The following ARFGEF1 variants were observed in gnomAD, a reference collection of about 807,000 sequenced individuals.
ARFGEF1 encodes ARF guanine nucleotide exchange factor 1, also known as brefeldin A-inhibited guanine nucleotide-exchange protein 1.
In ARFGEF1, 42 loss-of-function variants were observed where a neutral mutation model predicts 231.0. The observed-to-expected ratio is 0.18, with a 90% CI of 0.14 to 0.24. ARFGEF1 has a LOEUF of 0.24. Among genes scored for constraint, ARFGEF1 ranks in the 10% least tolerant of loss-of-function variants. The probability of loss-of-function intolerance (pLI) is 1.00; values close to 1 mark genes in which losing one functional copy is unlikely to be tolerated. For synonymous variants in ARFGEF1, 710 were observed against 732.3 expected (o/e 0.97, Z 0.49); for missense variants, 1,345 against 2,192.0 (o/e 0.61, Z 7.72).
intron 5 of ARFGEF1, chr8:67,190,890 TC>T: frequency 1.5e-6 from 1 of 670,982 alleles, no homozygotes. Flanking sequence ...GAATCTAGGC[TC>T]TGCCTTGACT....
chr8:67,229,045 G>A (rs964507050), intron 23 of ARFGEF1, among the ~76,000 whole-genome samples: 3 of 152,050 alleles, frequency 2.0e-5, no homozygotes, highest in African/African-American at 4.8e-5. Flanking sequence ...GCAGGAGCAG[G>A]TCACAGTAGT....
intron 30 of ARFGEF1, 69 bp from the exon 31 acceptor site, chr8:67,218,207 A>AAATATATATGTATATATAT (rs1491555936): frequency 1.1e-5 from 1 of 90,852 alleles, no homozygotes; most frequent in African/African-American, 6.9e-5. Context: ...AAAAAAAAAA[A>AAATATATATGTATATATAT]ATATATATAT....
At chr8:67,283,846 T>G (rs181130498) in intron 7 of ARFGEF1, among the ~76,000 whole-genome samples, 1 of 152,102 alleles carries the variant, frequency 6.6e-6, no homozygotes, top group Admixed American at 6.6e-5. Flanking sequence ...CTACCAGCTG[T>G]GGAGAGAAAG....
chr8:67,227,733 G>A, intron 25 of ARFGEF1, 135 bp from the exon 26 acceptor site: 1 of 993,552 alleles, frequency 1.0e-6, no homozygotes, highest in Non-Finnish European at 1.4e-6. Context: ...AAGGCATTAA[G>A]TATGCTAAAA....
chr8:67,242,948 G>C (rs186135162), intron 19 of ARFGEF1, among the ~76,000 whole-genome samples: 20 of 152,324 alleles, frequency 1.3e-4, no homozygotes, highest in African/African-American at 4.1e-4. Flanking sequence ...AAAGGGGAGG[G>C]AAGAGTGGGA....
chr8:67,311,818 T>C (rs1055329854), intron 1 of ARFGEF1, among the ~76,000 whole-genome samples: 2 of 152,102 alleles, frequency 1.3e-5, no homozygotes, highest in African/African-American at 4.8e-5. Flanking sequence ...GGGGAAAAGA[T>C]TGAGAAATCG....
intron 19 of ARFGEF1, among the ~76,000 whole-genome samples, chr8:67,242,975 G>GT (rs1204065288): frequency 6.6e-6 from 1 of 152,192 alleles, no homozygotes; most frequent in Non-Finnish European, 1.5e-5. Context: ...GTGTCTTGTA[G>GT]TTTGAGTGCC....
At chr8:67,311,405 G>A (rs1312889996) in intron 1 of ARFGEF1, among the ~76,000 whole-genome samples, 6 of 137,992 alleles carry the variant, frequency 4.3e-5, no homozygotes, top group Non-Finnish European at 6.3e-5. Flanking sequence ...CGCCCCGTCC[G>A]GGAGGGAGGT....
intron 3 of ARFGEF1, 107 bp from the exon 4 acceptor site, chr8:67,299,462 T>G: frequency 1.9e-6 from 2 of 1,042,348 alleles, no homozygotes; most frequent in Non-Finnish European, 2.7e-6. Flanking sequence ...TACATAAAAT[T>G]TTTACACAAA....
Position 67,228,221 on chromosome 8 carries a change from T to G in ARFGEF1, c.3421+3A>C, listed in dbSNP as rs757924150. 1 of 1,610,942 alleles carries G rather than the reference T, an allele frequency of 6.2e-7. No homozygotes were observed. The highest frequency in any genetic ancestry group is 8.5e-7 in the Non-Finnish European group (1 of 1,178,236). On this transcript the variant is annotated splice_donor_region_variant and intron_variant, in intron 24 of 38. Transcript: ENST00000262215. ...CCGAAGTAGAATAAATGCCCATACT[T>G]ACCAATGGCATTTCCATCTAGCCTT...
At chr8:67,227,832 G>A in intron 25 of ARFGEF1, 131 bp downstream of exon 25, 1 of 868,800 alleles carries the variant, frequency 1.2e-6, no homozygotes, top group Non-Finnish European at 1.6e-6. Context: ...CCATTCACAG[G>A]GTTTTCTAAT....
intron 14 of ARFGEF1, among the ~76,000 whole-genome samples, chr8:67,261,486 G>C (rs990711800): frequency 4.6e-5 from 7 of 152,196 alleles, no homozygotes; most frequent in Admixed American, 4.6e-4. Flanking sequence ...TTACAACATA[G>C]ATGACTGAAT....
At chr8:67,336,731 C>T (rs1808359386) in intron 1 of ARFGEF1, among the ~76,000 whole-genome samples, 1 of 152,190 alleles carries the variant, frequency 6.6e-6, no homozygotes, top group Non-Finnish European at 1.5e-5. Flanking sequence ...AGGATCTCAA[C>T]TTCACCTTGA....
Position 67,204,741 on chromosome 8 carries a change from T to C in ARFGEF1, c.4898A>G (p.Asn1633Ser), listed in dbSNP as rs201164020. The C allele has an allele frequency of 1.0e-4, 161 of 1,613,866 alleles. No individual in the cohort carries two copies. Among genetic ancestry groups the C allele is most frequent in the Non-Finnish European group, 1.3e-4 (148 of 1,179,950 alleles). The change falls in exon 35 of 39, where the codon AAC (asparagine) becomes AGC (serine). Residue 1633 changes from asparagine to serine, a missense_variant. Around this residue, in one of 14 missense-constraint regions of ARFGEF1, gnomAD observed 161 missense variants for 284.9 expected, o/e 0.57. Transcript: ENST00000262215. The stretch of plus-strand genomic sequence containing the variant: ...ACTTGTGGCTGGGAAGAAGACAATG[T>C]TGTCGATAGTCTGGATGAGTTCCAG... ...VQLELIQTIDNIVFFPATSKK... is the reference protein window; with the variant it reads ...VQLELIQTIDSIVFFPATSKK...
chr8:67,222,219 A>G (rs1432813341), intron 29 of ARFGEF1, among the ~76,000 whole-genome samples: 5 of 115,094 alleles, frequency 4.3e-5, no homozygotes, highest in East Asian at 2.5e-4. Context: ...ACACATATAT[A>G]TATATGTATA....
At chr8:67,192,850 T>C (rs1318059115), downstream of ARFGEF1, among the ~76,000 whole-genome samples, 1 of 152,220 alleles carries the variant, frequency 6.6e-6, no homozygotes, top group Non-Finnish European at 1.5e-5. Context: ...TTGATCTACA[T>C]GTCTTTTCTT....
At chr8:67,179,998 C>A in intron 5 of ARFGEF1, 1 of 807,064 alleles carries the variant, frequency 1.2e-6, no homozygotes, top group Non-Finnish European at 2.1e-6. Context: ...AAAACCAGTA[C>A]TGTATTCCTT....
At chr8:67,209,714 C>CT (rs1232366686) in intron 34 of ARFGEF1, among the ~76,000 whole-genome samples, 1 of 152,114 alleles carries the variant, frequency 6.6e-6, no homozygotes, top group Non-Finnish European at 1.5e-5. Context: ...AAGGGTTCCT[C>CT]TTTTTTGTGA....
chr8:67,220,626 GGAAA>G (rs780712525), intron 29 of ARFGEF1, among the ~76,000 whole-genome samples: 10 of 152,126 alleles, frequency 6.6e-5, no homozygotes, highest in Non-Finnish European at 1.3e-4. Context: ...GAAACTCCCG[GGAAA>G]GAAAGTCTTC....
Sources: gnomAD v4.1 joint callset for allele counts (sites outside exome capture counted in the v4.1 genomes callset) on GRCh38, gnomAD v4.1.1 for gene constraint, gnomAD v4.1.1 regional missense constraint, MANE v1.5 for transcripts, NCBI Gene and HGNC (gene_info 2026-07-23, HGNC 2026-07-21) for gene names.